ETS1: variants seen among roughly 807,000 people sequenced by gnomAD.
ETS1 encodes ETS proto-oncogene 1, transcription factor.
ETS1 carries 15 observed loss-of-function variants against 58.6 expected under a neutral mutation model. That is an observed-to-expected ratio of 0.26 (90% confidence interval 0.17 to 0.39). The LOEUF is 0.39. Among genes scored for constraint, ETS1 ranks in the 10% least tolerant of loss-of-function variants. The pLI is 1.00. For synonymous variants in ETS1, 214 were observed against 218.2 expected (o/e 0.98, Z 0.17); for missense variants, 417 against 610.5 (o/e 0.68, Z 3.34).
At chr11:128,476,906 C>T (rs981376159) in intron 8 of ETS1, among the ~76,000 whole-genome samples, 5 of 152,354 alleles carry the variant, frequency 3.3e-5, no homozygotes, top group African/African-American at 7.2e-5. Context: ...TTTCAAGCCA[C>T]GTTATCTGCC....
chr11:128,545,752 T>C (rs1052283385), intron 3 of ETS1, among the ~76,000 whole-genome samples: 1 of 152,220 alleles, frequency 6.6e-6, no homozygotes, highest in African/African-American at 2.4e-5. Context: ...CATAGAAATA[T>C]GCACAGATAT....
At chr11:128,580,725 C>T (rs1864853792) in intron 1 of ETS1, among the ~76,000 whole-genome samples, 2 of 152,196 alleles carry the variant, frequency 1.3e-5, no homozygotes, top group Non-Finnish European at 2.9e-5. Context: ...AAGCTAAGTG[C>T]ATTTATTCTT....
At position 128,549,615 on chromosome 11, in the gene ETS1, G is replaced by A. The variant is rs1389176334; in HGVS notation, c.214+6676C>T. On this transcript the variant is annotated intron_variant, in intron 3 of 9. Coordinates refer to ENST00000392668, the MANE Select transcript of ETS1 (RefSeq NM_001143820.2). The surrounding 1 kb of genome is among the most constrained non-coding windows in gnomAD (Gnocchi z 4.3). ...GAAGCTGCGAGTTCGAGGGCGGGCC[G>A]GCGGAAGGCTTGCCTTTCCACTGTC... Among the ~76,000 whole-genome samples the A allele has an allele frequency of 1.3e-5, 2 of 152,188 alleles. No individual in the cohort carries two copies.
chr11:128,501,253 T>C (rs1352070463), intron 3 of ETS1, among the ~76,000 whole-genome samples: 2 of 152,146 alleles, frequency 1.3e-5, no homozygotes, highest in East Asian at 1.9e-4. Flanking sequence ...TAGGTGAACA[T>C]CGTGCTTCTC....
At chr11:128,490,701 AC>A in intron 3 of ETS1, 125 bp from the exon 4 acceptor site, 1 of 617,174 alleles carries the variant, frequency 1.6e-6, no homozygotes, top group Non-Finnish European at 2.7e-6. Flanking sequence ...TCACCAGAGC[AC>A]CAGAGCAGGC....
intron 8 of ETS1, among the ~76,000 whole-genome samples, chr11:128,475,353 A>G (rs574025362): frequency 6.6e-6 from 1 of 152,330 alleles, no homozygotes; most frequent in African/African-American, 2.4e-5. Context: ...GTTTATTTTC[A>G]AAAACATGTT....
chr11:128,556,490 G>T (rs1017660649), intron 2 of ETS1, 55 bp from the exon 3 acceptor site: 42 of 1,269,186 alleles, frequency 3.3e-5, no homozygotes, highest in Non-Finnish European at 4.1e-5. Flanking sequence ...CTGTTGTTTA[G>T]CCCTAAAGAA....
chr11:128,482,149 A>G (rs1862504122), intron 7 of ETS1, among the ~76,000 whole-genome samples: 1 of 152,196 alleles, frequency 6.6e-6, no homozygotes, highest in South Asian at 2.1e-4. Context: ...CCCACCAGAA[A>G]AGTCATCTTT....
rs75961458 is a variant in ETS1 at position 128,572,981 on chromosome 11, T to C, written c.69+81A>G. On this transcript the variant is annotated intron_variant, in intron 2 of 9. Transcript: ENST00000392668. Reference sequence around the variant, plus strand: ...TCAGGTTCCTGGCTTCTCTGTCTACTGGGGGTCAGGATACAGGAAGCACAA... The same window carrying C: ...TCAGGTTCCTGGCTTCTCTGTCTACCGGGGGTCAGGATACAGGAAGCACAA... 6.0e-3 allele frequency: 6,727 copies of C among 1,112,234 alleles called. 279 individuals carry two copies. The African/African-American group carries it at 0.088, about 15-fold the overall frequency. 68.9% of individuals were successfully genotyped at this position (1,112,234 alleles called of 1,614,324 possible).
intron 3 of ETS1, among the ~76,000 whole-genome samples, chr11:128,517,516 C>A (rs1439201875): frequency 1.3e-5 from 2 of 152,220 alleles, no homozygotes; most frequent in Non-Finnish European, 2.9e-5. Flanking sequence ...GCACACAATG[C>A]AGGCTCGATG....
chr11:128,513,222 A>G (rs1863436304), intron 3 of ETS1, among the ~76,000 whole-genome samples: 1 of 152,204 alleles, frequency 6.6e-6, no homozygotes, highest in Non-Finnish European at 1.5e-5. Flanking sequence ...GCAAATCCCC[A>G]TGTTGCCTAC....
At chr11:128,536,072 C>A (rs1367616645) in intron 3 of ETS1, among the ~76,000 whole-genome samples, 1 of 152,194 alleles carries the variant, frequency 6.6e-6, no homozygotes, top group Non-Finnish European at 1.5e-5. Context: ...CTCTCCCTTA[C>A]CACAGTGTGC....
At position 128,485,709 on chromosome 11, in the gene ETS1, A is replaced by G. The variant is rs368628271; in HGVS notation, c.613+360T>C. On this transcript the variant is annotated intron_variant, in intron 6 of 9. Transcript: ENST00000392668. ...GCTGTTATCTCCACTAGTAAAAAGG[A>G]AAGAACAAAGACCAAGATCAAATCC... 3.9e-5 allele frequency among the ~76,000 whole-genome samples: 6 copies of G among 152,336 alleles called. No individual in the cohort carries two copies. The East Asian group carries it at 1.2e-3, about 29-fold the overall frequency.
intron 3 of ETS1, among the ~76,000 whole-genome samples, chr11:128,498,926 T>A (rs1185222929): frequency 6.6e-6 from 1 of 152,210 alleles, no homozygotes; most frequent in Non-Finnish European, 1.5e-5. Flanking sequence ...TTCCTAAATG[T>A]CCCAGAACAG....
intron 3 of ETS1, among the ~76,000 whole-genome samples, chr11:128,543,423 G>T (rs1864085501): frequency 1.3e-5 from 2 of 152,048 alleles, no homozygotes; most frequent in South Asian, 4.2e-4. Context: ...CTCTCTACCT[G>T]CCCATTCTGA....
chr11:128,504,578 C>G (rs577293858), intron 3 of ETS1, among the ~76,000 whole-genome samples: 1 of 152,166 alleles, frequency 6.6e-6, no homozygotes, highest in African/African-American at 2.4e-5. Flanking sequence ...AAGACGCTTT[C>G]GATGTCATCT....
chr11:128,470,097 T>C (rs1233966155), intron 8 of ETS1, among the ~76,000 whole-genome samples: 1 of 152,220 alleles, frequency 6.6e-6, no homozygotes, highest in African/African-American at 2.4e-5. Flanking sequence ...AACAACTTTA[T>C]AAACTTGTAT....
At chr11:128,579,495 C>T (rs567333987) in intron 1 of ETS1, among the ~76,000 whole-genome samples, 17 of 151,970 alleles carry the variant, frequency 1.1e-4, no homozygotes, top group African/African-American at 3.9e-4. Context: ...AATTCCATCT[C>T]TACTAAAAAT....
intron 3 of ETS1, among the ~76,000 whole-genome samples, chr11:128,509,955 T>C (rs1863348580): frequency 6.6e-6 from 1 of 152,224 alleles, no homozygotes; most frequent in Non-Finnish European, 1.5e-5. Context: ...ATCTGACACA[T>C]AGTAGGTACT....
Sources: gnomAD v4.1 joint callset for allele counts (sites outside exome capture counted in the v4.1 genomes callset) on GRCh38, gnomAD v4.1.1 for gene constraint, Gnocchi (gnomAD v3.1) non-coding constraint, MANE v1.5 for transcripts, NCBI Gene and HGNC (gene_info 2026-07-23, HGNC 2026-07-21) for gene names.